TMC1: variants seen among roughly 807,000 people sequenced by gnomAD.
TMC1 encodes transmembrane channel like 1, also known as transmembrane channel-like protein 1.
TMC1 carries 84 observed loss-of-function variants against 105.8 expected under a neutral mutation model. That is an observed-to-expected ratio of 0.79 (90% CI 0.67 to 0.95). The LOEUF is 0.95. Among genes scored for constraint, TMC1 ranks in the 40% least tolerant of loss-of-function variants. TMC1 has a pLI of 0.00. For missense variants in TMC1, 817 were observed against 914.1 expected (o/e 0.89, Z 1.37); for synonymous variants, 315 against 311.5 (o/e 1.01, Z -0.12).
intron 1 of TMC1, among the ~76,000 whole-genome samples, chr9:72,553,030 A>G (rs1823881223): frequency 6.6e-6 from 1 of 151,962 alleles, no homozygotes; most frequent in South Asian, 2.1e-4. Flanking sequence ...CTGGAGTGCA[A>G]CGGCATGATC....
intron 4 of TMC1, among the ~76,000 whole-genome samples, chr9:72,645,010 T>C (rs1197916020): frequency 6.6e-6 from 1 of 152,174 alleles, no homozygotes; most frequent in Admixed American, 6.5e-5. Context: ...TGATGCTTTA[T>C]GAAAAATTTA....
rs146406035 is a variant in TMC1, at chr9:72,665,683, G to A, written c.16+17019G>A. Reference sequence around the variant, plus strand: ...TCTAGTCAGGAGACCTGAATGTTACGTCTGGCATCACGATACCTTAGTTTA... The same window carrying A: ...TCTAGTCAGGAGACCTGAATGTTACATCTGGCATCACGATACCTTAGTTTA... On this transcript the variant is annotated intron_variant, in intron 5 of 23. Transcript: ENST00000297784. 1.1e-4 allele frequency among the ~76,000 whole-genome samples: 16 copies of A among 152,322 alleles called. No individual in the cohort carries two copies. In the East Asian group the frequency reaches 2.7e-3, roughly 26 times the overall value.
chr9:72,805,296 C>A (rs1828553137), intron 17 of TMC1, 86 bp from the exon 18 acceptor site: 20 of 1,492,428 alleles, frequency 1.3e-5, no homozygotes, highest in Non-Finnish European at 1.7e-5. Flanking sequence ...GCCAATACTT[C>A]TTTAGAAATA....
At chr9:72,740,058 C>G (rs1588058604) in intron 8 of TMC1, 61 bp from the exon 9 acceptor site, 4 of 1,301,496 alleles carry the variant, frequency 3.1e-6, no homozygotes, top group Non-Finnish European at 4.5e-6. Context: ...TCCACTACTT[C>G]TGTATTCTAG....
intron 3 of TMC1, among the ~76,000 whole-genome samples, chr9:72,618,389 A>G (rs1409208507): frequency 6.6e-6 from 1 of 152,184 alleles, no homozygotes; most frequent in East Asian, 1.9e-4. Flanking sequence ...TTAAGAAAAA[A>G]ATAGAATAAA....
intron 7 of TMC1, among the ~76,000 whole-genome samples, chr9:72,694,972 CA>C (rs1826524520): frequency 6.6e-6 from 1 of 152,130 alleles, no homozygotes; most frequent in South Asian, 2.1e-4. Flanking sequence ...TGACATATTA[CA>C]GTTAATTTAA....
At position 72,827,008 on chromosome 9, in the gene TMC1, C is replaced by T; in HGVS notation, c.2129+14C>T. ...TTTGGTGATGGTGTATGTGCTTTTC[C>T]TCCTCATAGAAAGAGCCTCTGTGAT... is the stretch of plus-strand genomic sequence containing the variant. On this transcript the variant is annotated intron_variant, in intron 21 of 23. Transcript: ENST00000297784. 6.2e-7 allele frequency: 1 copy of T among 1,613,872 alleles called. No homozygotes were observed. The highest frequency in any genetic ancestry group is 2.2e-5 in the East Asian group (1 of 44,876).
intron 4 of TMC1, among the ~76,000 whole-genome samples, chr9:72,629,381 T>C (rs538677911): frequency 2.6e-5 from 4 of 152,330 alleles, no homozygotes; most frequent in South Asian, 2.1e-4. Context: ...GAACCATTCA[T>C]TGAGCTTCTA....
At chr9:72,556,540 C>T (rs746753566) in intron 1 of TMC1, among the ~76,000 whole-genome samples, 4 of 151,836 alleles carry the variant, frequency 2.6e-5, no homozygotes, top group African/African-American at 4.8e-5. Context: ...GGTTCTCAGA[C>T]GGACATAGTG....
rs199819595 is a variant in TMC1, at chr9:72,826,909, G to A, written c.2044G>A (p.Glu682Lys). The change falls in exon 21 of 24, where the codon GAG (glutamate) becomes AAG (lysine). Residue 682 changes from glutamate (E) to lysine (K), a missense_variant. Physicochemically the swap from Glu to Lys is moderately conservative, Grantham distance 56. Transcript: ENST00000297784. ...RMFEVIGETL[E>K]HDFPSWMAKI... is the part of the protein sequence containing the mutation. ...GTTTGAAGTCATTGGAGAGACCCTG[G>A]AGCACGATTTCCCAAGCTGGATGGC... The A allele has an allele frequency of 6.2e-7, 1 of 1,614,092 alleles. No individual in the cohort carries two copies. The highest frequency in any genetic ancestry group is 1.7e-5 in the Admixed American group (1 of 60,034).
At chr9:72,641,784 A>C (rs1349447007) in intron 4 of TMC1, among the ~76,000 whole-genome samples, 1 of 151,568 alleles carries the variant, frequency 6.6e-6, no homozygotes, top group Non-Finnish European at 1.5e-5. Flanking sequence ...CGGAAATAAA[A>C]ATATGCTTAT....
chr9:72,603,859 T>TG (rs1194053964), intron 2 of TMC1, among the ~76,000 whole-genome samples: 5 of 140,380 alleles, frequency 3.6e-5, no homozygotes, highest in African/African-American at 1.4e-4. Context: ...TTTTTTTTTT[T>TG]TTTTTTTTTT....
chr9:72,619,256 G>T (rs775849715), intron 3 of TMC1, among the ~76,000 whole-genome samples: 1 of 152,090 alleles, frequency 6.6e-6, no homozygotes, highest in Non-Finnish European at 1.5e-5. Context: ...TAATCATATC[G>T]TAGATACTCA....
At chr9:72,808,684 T>C (rs1464391296) in intron 18 of TMC1, among the ~76,000 whole-genome samples, 1 of 152,228 alleles carries the variant, frequency 6.6e-6, no homozygotes, top group Non-Finnish European at 1.5e-5. Flanking sequence ...TTGCCAGAAC[T>C]CTGCCTCCTT....
chr9:72,731,491 A>G (rs755393127), intron 8 of TMC1, among the ~76,000 whole-genome samples: 1 of 152,192 alleles, frequency 6.6e-6, no homozygotes, highest in Non-Finnish European at 1.5e-5. Context: ...GAGAAATGAA[A>G]CAGCATATGT....
At chr9:72,798,859 A>G (rs951305642) in intron 17 of TMC1, among the ~76,000 whole-genome samples, 1 of 152,050 alleles carries the variant, frequency 6.6e-6, no homozygotes, top group African/African-American at 2.4e-5. Flanking sequence ...TTAATGGATA[A>G]TTTGGGGAGC....
Position 72,742,538 on chromosome 9 carries a change from C to A in TMC1, c.535+13C>A, listed in dbSNP as rs1179280091. On this transcript the variant is annotated intron_variant, in intron 10 of 23. Coordinates refer to ENST00000297784, the MANE Select transcript of TMC1 (RefSeq NM_138691.3). The stretch of plus-strand genomic sequence containing the variant: ...AAGGCTATTGAAAGTAAGTCCTTAT[C>A]AGATCTCAGGTGGAGAAGGTTGTCT... 2 of 1,607,058 alleles carry A rather than the reference C, an allele frequency of 1.2e-6. No individual in the cohort carries two copies. Among genetic ancestry groups the A allele is most frequent in the Non-Finnish European group, 1.7e-6 (2 of 1,173,632 alleles).
chr9:72,692,907 C>G (rs1216318955), intron 6 of TMC1, among the ~76,000 whole-genome samples: 1 of 151,314 alleles, frequency 6.6e-6, no homozygotes, highest in Non-Finnish European at 1.5e-5. Flanking sequence ...TCACTTGAGG[C>G]CAGGAGTTCA....
intron 1 of TMC1, among the ~76,000 whole-genome samples, chr9:72,569,469 A>T (rs1824230009): frequency 6.6e-6 from 1 of 152,240 alleles, no homozygotes; most frequent in Admixed American, 6.5e-5. Flanking sequence ...GAGTGAAAAA[A>T]GCTGGACTCT....
Sources: gnomAD v4.1 joint callset for allele counts (sites outside exome capture counted in the v4.1 genomes callset) on GRCh38, gnomAD v4.1.1 for gene constraint, MANE v1.5 for transcripts, NCBI Gene and HGNC (gene_info 2026-07-23, HGNC 2026-07-21) for gene names.